The following SLC14A2 variants were observed in gnomAD, a reference collection of about 807,000 sequenced individuals.
The protein encoded by SLC14A2 is urea transporter 2.
A neutral mutation model predicts 104.6 loss-of-function variants in SLC14A2; 91 were observed. The observed-to-expected ratio is 0.87, with a 90% CI of 0.73 to 1.04. The LOEUF is 1.04. Ranked by LOEUF, SLC14A2 falls within the 50% of genes least tolerant of loss-of-function variation. The pLI is 0.00. For synonymous variants in SLC14A2, 476 were observed against 466.4 expected (o/e 1.02, Z -0.27); for missense variants, 1,189 against 1,156.0 (o/e 1.03, Z -0.41).
intron 1 of SLC14A2, among the ~76,000 whole-genome samples, chr18:45,299,398 T>C (rs894989224): frequency 6.6e-6 from 1 of 152,218 alleles, no homozygotes; most frequent in African/African-American, 2.4e-5. Context: ...AAGCCAGGGG[T>C]GCACACACAC....
intron 2 of SLC14A2, among the ~76,000 whole-genome samples, chr18:45,582,262 G>A (rs1245046815): frequency 6.6e-6 from 1 of 152,116 alleles, no homozygotes; most frequent in East Asian, 1.9e-4. Flanking sequence ...TATAATTCCT[G>A]ACCTCAGAAG....
chr18:45,239,142 T>C (rs2084285747), intron 1 of SLC14A2, among the ~76,000 whole-genome samples: 1 of 152,184 alleles, frequency 6.6e-6, no homozygotes, highest in Non-Finnish European at 1.5e-5. Context: ...GAATCCACTC[T>C]TTAGGTTCTA....
At chr18:45,649,203 A>G (rs1422772996) in intron 10 of SLC14A2, among the ~76,000 whole-genome samples, 1 of 152,074 alleles carries the variant, frequency 6.6e-6, no homozygotes, top group Non-Finnish European at 1.5e-5. Context: ...AAAAAGGCAT[A>G]TTTGTCTCTT....
intron 1 of SLC14A2, among the ~76,000 whole-genome samples, chr18:45,458,132 A>G (rs1200096165): frequency 5.9e-5 from 9 of 152,216 alleles, no homozygotes; most frequent in Admixed American, 5.9e-4. Flanking sequence ...GACAGAGAAG[A>G]AATGCCTGCC....
intron 19 of SLC14A2, among the ~76,000 whole-genome samples, chr18:45,682,066 T>C (rs1239875532): frequency 6.6e-6 from 1 of 152,232 alleles, no homozygotes; most frequent in African/African-American, 2.4e-5. Context: ...TATGTTCTGA[T>C]GACTTCTACA....
chr18:45,274,341 A>G (rs903857521), intron 1 of SLC14A2, among the ~76,000 whole-genome samples: 1 of 152,198 alleles, frequency 6.6e-6, no homozygotes. Context: ...CAAAATCTAA[A>G]CAATCTACTA....
At chr18:45,201,073 ATTC>A in the SLC14A2 span, among the ~76,000 whole-genome samples, 5 of 152,126 alleles carry the variant, frequency 3.3e-5, no homozygotes, top group Middle Eastern at 3.4e-3. Context: ...TGGGTGAGGT[ATTC>A]TGTAAATTTG....
At chr18:45,176,243 C>T in the SLC14A2 span, among the ~76,000 whole-genome samples, 1 of 152,172 alleles carries the variant, frequency 6.6e-6, no homozygotes, top group Non-Finnish European at 1.5e-5. Context: ...TTCTCACAAC[C>T]ACAATATGTG....
chr18:45,542,052 T>TG (rs2043895508), intron 2 of SLC14A2, among the ~76,000 whole-genome samples: 4 of 130,702 alleles, frequency 3.1e-5, no homozygotes, highest in African/African-American at 1.1e-4. Context: ...TTTTTTTTTT[T>TG]TTTTTTTTTT....
chr18:45,433,223 C>T (rs976212761), intron 1 of SLC14A2, among the ~76,000 whole-genome samples: 1 of 152,188 alleles, frequency 6.6e-6, no homozygotes, highest in Non-Finnish European at 1.5e-5. Context: ...CCCATGCATA[C>T]AGTGGAGAAT....
At chr18:45,343,468 C>T (rs549008275) in intron 1 of SLC14A2, among the ~76,000 whole-genome samples, 3 of 152,194 alleles carry the variant, frequency 2.0e-5, no homozygotes, top group East Asian at 1.9e-4. Context: ...GACCCCCTGA[C>T]GTGCTACTGT....
chr18:45,237,866 T>C (rs1241190406), intron 1 of SLC14A2, among the ~76,000 whole-genome samples: 2 of 152,302 alleles, frequency 1.3e-5, no homozygotes, highest in South Asian at 4.1e-4. Context: ...CAGACTTCCA[T>C]TGTGGTTGGT....
At chr18:45,571,348 G>A (rs972999571) in intron 2 of SLC14A2, among the ~76,000 whole-genome samples, 3 of 152,238 alleles carry the variant, frequency 2.0e-5, no homozygotes, top group Non-Finnish European at 2.9e-5. Flanking sequence ...CTTCCTGGCA[G>A]CCTGCTCTTT....
intron 1 of SLC14A2, among the ~76,000 whole-genome samples, chr18:45,429,430 T>C (rs1186928449): frequency 6.6e-6 from 1 of 152,108 alleles, no homozygotes; most frequent in Non-Finnish European, 1.5e-5. Flanking sequence ...CAGAAGCAAA[T>C]TGGCAGGGCA....
chr18:45,336,601 A>T (rs2085340434), intron 1 of SLC14A2, among the ~76,000 whole-genome samples: 1 of 152,170 alleles, frequency 6.6e-6, no homozygotes, highest in South Asian at 2.1e-4. Flanking sequence ...CTCATCGCCA[A>T]CAGAGCAGGA....
At chr18:45,623,996 AG>A (rs771797356) in intron 1 of SLC14A2, among the ~76,000 whole-genome samples, 1 of 152,236 alleles carries the variant, frequency 6.6e-6, no homozygotes, top group Non-Finnish European at 1.5e-5. Context: ...ATGTTCCAAA[AG>A]CAAGTCATGG....
chr18:45,670,530 C>T (rs1276845367), intron 16 of SLC14A2, among the ~76,000 whole-genome samples: 1 of 152,218 alleles, frequency 6.6e-6, no homozygotes, highest in Non-Finnish European at 1.5e-5. Flanking sequence ...GTTGAAGGAA[C>T]TTTCTCTAAA....
intron 1 of SLC14A2, among the ~76,000 whole-genome samples, chr18:45,313,221 C>T (rs913860843): frequency 4.6e-5 from 7 of 152,154 alleles, no homozygotes; most frequent in African/African-American, 1.7e-4. Flanking sequence ...GAATACATAT[C>T]TTCATCAAGA....
the SLC14A2 span, among the ~76,000 whole-genome samples, chr18:45,197,313 T>C: frequency 2.6e-5 from 4 of 152,202 alleles, no homozygotes; most frequent in Non-Finnish European, 5.9e-5. Context: ...CTTGGCTCTA[T>C]AGAGAGCTGC....
Sources: gnomAD v4.1 joint callset for allele counts (sites outside exome capture counted in the v4.1 genomes callset) on GRCh38, gnomAD v4.1.1 for gene constraint, MANE v1.5 for transcripts, NCBI Gene and HGNC (gene_info 2026-07-23, HGNC 2026-07-21) for gene names.